TLX2: variants seen among roughly 807,000 people sequenced by gnomAD.
TLX2 encodes the protein T cell leukemia homeobox 2, also known as T-cell leukemia homeobox protein 2.
A neutral mutation model predicts 21.7 loss-of-function variants in TLX2; 15 were observed. The ratio of observed to expected loss-of-function variants is 0.69; its 90% confidence interval spans 0.46 to 1.07. TLX2 has a LOEUF of 1.07. Ranked by LOEUF, TLX2 falls within the 50% of genes least tolerant of loss-of-function variation. The pLI, the probability that TLX2 is intolerant of heterozygous loss-of-function variation, is 0.00. For synonymous variants in TLX2, 213 were observed against 193.1 expected (o/e 1.10, Z -0.85); for missense variants, 384 against 409.1 (o/e 0.94, Z 0.53).
In TLX2 at chr2:74,515,001, A is replaced by G; in HGVS notation, c.195A>G (p.Ser65=). The G allele has an allele frequency of 6.5e-7, 1 of 1,536,186 alleles. No individual in the cohort carries two copies. Among genetic ancestry groups the G allele is most frequent in the Non-Finnish European group, 8.8e-7 (1 of 1,142,708 alleles). The change falls in exon 1 of 3, where the codon TCA becomes TCG. Residue 65 remains serine (S), a synonymous_variant. Transcript: ENST00000233638. This position sits in a 1 kb window ranked among gnomAD's most constrained non-coding sequence, Gnocchi z 6.6. The stretch of plus-strand genomic sequence containing the variant: ...CCTCGGGCTACGGTCCCGCCGGCTC[A>G]CTTGCCCCGCTGCCCGGCAGCTCCG... The part of the protein sequence containing the change: ...HGASGYGPAG[S]LAPLPGSSGV...
Position 74,516,079 on chromosome 2 carries a change from C to T in TLX2, c.745C>T (p.Pro249Ser). The stretch of plus-strand genomic sequence containing the variant: ...ACGGCCGCTGCGGCCGCCGCTGCCC[C>T]CGGACCCTCTCTGCCTGCACAACTC... Reference protein sequence around the residue: ...LPRPLRPPLPPDPLCLHNSSL... With the variant: ...LPRPLRPPLPSDPLCLHNSSL... The change falls in exon 3 of 3, where the codon CCG becomes TCG. Residue 249 changes from proline to serine, a missense_variant. By Grantham distance (74) the Pro-to-Ser change is moderately conservative. Transcript: ENST00000233638. 7 of 1,601,954 alleles carry T rather than the reference C, an allele frequency of 4.4e-6. No individual in the cohort carries two copies. The highest frequency in any genetic ancestry group is 5.9e-6 in the Non-Finnish European group (7 of 1,177,076).
In TLX2 at chr2:74,515,776, C is replaced by A; in HGVS notation, c.544C>A (p.Leu182Met). Residue 182 changes from leucine (L) to methionine (M), a missense_variant, in exon 2 of 3, where the codon CTG (leucine) becomes ATG (methionine). Physicochemically the swap from Leu to Met is conservative, Grantham distance 15. Coordinates refer to ENST00000233638, the MANE Select transcript of TLX2 (RefSeq NM_016170.5). The surrounding 1 kb of genome is among the most constrained non-coding windows in gnomAD (Gnocchi z 6.6). ...LERRFLRQKY[L>M]ASAERAALAK... ...GCGGCGCTTCCTGCGCCAGAAGTAC[C>A]TGGCCTCTGCGGAGAGGGCGGCGCT... 6.2e-7 allele frequency: 1 copy of A among 1,613,262 alleles called. No individual in the cohort carries two copies. Among genetic ancestry groups the A allele is most frequent in the Non-Finnish European group, 8.5e-7 (1 of 1,179,920 alleles).
Position 74,516,054 on chromosome 2 carries a change from A to G in TLX2, c.720A>G (p.Pro240=), listed in dbSNP as rs1674877047. Residue 240 remains proline (P), a synonymous_variant, in exon 3 of 3, where the codon CCA becomes CCG. Transcript: ENST00000233638. ...TGCATCTGCAGCAGGACGCGTTGCC[A>G]CGGCCGCTGCGGCCGCCGCTGCCCC... ...LLLHLQQDAL[P]RPLRPPLPPD... 1 of 1,582,596 alleles carries G rather than the reference A, an allele frequency of 6.3e-7. No homozygotes were observed. Among genetic ancestry groups the G allele is most frequent in the South Asian group, 1.1e-5 (1 of 87,916 alleles).
rs1479255839 is a variant in TLX2 at position 74,516,403 on chromosome 2, A to G, written c.*214A>G. 3 of 1,445,242 alleles carry G rather than the reference A, an allele frequency of 2.1e-6. No homozygotes were observed. In the African/African-American group the frequency reaches 4.4e-5, roughly 21 times the overall value. The allele number at this position is 1,445,242 out of a possible 1,614,324, so 89.5% of individuals were successfully genotyped here. A position where few individuals can be genotyped will look rare whatever the true frequency, so the allele number is the denominator to read the frequency against. ...GGCCTTTCCCGCCATTTTTCACTTC[A>G]CTGCCGTTACGCCCTCGCTGGAACC... On this transcript the variant is annotated 3_prime_UTR_variant, in exon 3 of 3. Coordinates refer to ENST00000233638, the MANE Select transcript of TLX2 (RefSeq NM_016170.5).
Position 74,515,914 on chromosome 2 carries a change from G to A in TLX2, c.638+44G>A. ...GAGGGCGGACTGGGGTTCCCGAGCA[G>A]GGCCTGGTGAGAAGCGACGCGGCGG... On this transcript the variant is annotated intron_variant, in intron 2 of 2. Transcript: ENST00000233638. The surrounding 1 kb of genome is among the most constrained non-coding windows in gnomAD (Gnocchi z 6.6). 1.3e-6 allele frequency: 2 copies of A among 1,560,658 alleles called. No individual in the cohort carries two copies. Among genetic ancestry groups the A allele is most frequent in the Non-Finnish European group, 1.7e-6 (2 of 1,155,608 alleles).
At position 74,514,468 on chromosome 2, in the gene TLX2, A is replaced by C. The variant is rs1438663808; in HGVS notation, c.-339A>C. Reference sequence around the variant, plus strand: ...ATCCGTCAGTCACTGCCCCAGCCGGAGCTGGCCAACCCTCTCCACCCGGGA... The same window carrying C: ...ATCCGTCAGTCACTGCCCCAGCCGGCGCTGGCCAACCCTCTCCACCCGGGA... On this transcript the variant is annotated 5_prime_UTR_variant, in exon 1 of 3. Coordinates refer to ENST00000233638, the MANE Select transcript of TLX2 (RefSeq NM_016170.5). This position sits in a 1 kb window ranked among gnomAD's most constrained non-coding sequence, Gnocchi z 5.0. 2.8e-5 allele frequency: 33 copies of C among 1,184,512 alleles called. No homozygotes were observed. The highest frequency in any genetic ancestry group is 3.8e-4 in the Middle Eastern group (1 of 2,626). The allele number at this position is 1,184,512 out of a possible 1,614,324, so 73.4% of individuals were successfully genotyped here. A position where few individuals can be genotyped will look rare whatever the true frequency, so the allele number is the denominator to read the frequency against.
rs1045167345 is a variant in TLX2, at chr2:74,515,092, G to C, written c.286G>C (p.Gly96Arg). 1 of 1,524,162 alleles carries C rather than the reference G, an allele frequency of 6.6e-7. No homozygotes were observed. The highest frequency in any genetic ancestry group is 2.1e-5 in the Admixed American group (1 of 47,338). The allele number at this position is 1,524,162 out of a possible 1,614,324, so 94.4% of individuals were successfully genotyped here. A position where few individuals can be genotyped will look rare whatever the true frequency, so the allele number is the denominator to read the frequency against. ...HRPLPVPPPA[G>R]GAPAVPGPSG... ...CCCGCTGCCTGTGCCGCCGCCCGCTGGGGGGGCGCCTGCAGTGCCTGGGCC... is the reference window on the plus strand; with the variant it reads ...CCCGCTGCCTGTGCCGCCGCCCGCTCGGGGGGCGCCTGCAGTGCCTGGGCC... Residue 96 changes from glycine to arginine, a missense_variant, in exon 1 of 3, where the codon GGG (glycine) becomes CGG (arginine). Gly to Arg is a moderately radical substitution (Grantham distance 125, BLOSUM62 -2). Coordinates refer to ENST00000233638, the MANE Select transcript of TLX2 (RefSeq NM_016170.5). The surrounding 1 kb of genome is among the most constrained non-coding windows in gnomAD (Gnocchi z 6.6).
Position 74,516,040 on chromosome 2 carries a change from C to G in TLX2, c.706C>G (p.Gln236Glu). 1 of 1,570,760 alleles carries G rather than the reference C, an allele frequency of 6.4e-7. No homozygotes were observed. The highest frequency in any genetic ancestry group is 8.6e-7 in the Non-Finnish European group (1 of 1,165,426). Reference sequence around the variant, plus strand: ...GGGCCGGCTGCTCCTGCATCTGCAGCAGGACGCGTTGCCACGGCCGCTGCG... The same window carrying G: ...GGGCCGGCTGCTCCTGCATCTGCAGGAGGACGCGTTGCCACGGCCGCTGCG... ...RAGRLLLHLQ[Q>E]DALPRPLRPP... Residue 236 changes from glutamine to glutamate, a missense_variant, in exon 3 of 3, where the codon CAG becomes GAG. Physicochemically the swap from Gln to Glu is conservative, Grantham distance 29. Coordinates refer to ENST00000233638, the MANE Select transcript of TLX2 (RefSeq NM_016170.5).
Position 74,515,750 on chromosome 2 carries a change from AGCGGC to A in TLX2, c.521_525del (p.Arg174LeufsTer191). The A allele has an allele frequency of 6.2e-7, 1 of 1,613,442 alleles. No homozygotes were observed. The highest frequency in any genetic ancestry group is 8.5e-7 in the Non-Finnish European group (1 of 1,179,960). ...TCCCGCTCACAGGTGCTGGAGTTGG[AGCGGC>A]GCTTCCTGCGCCAGAAGTACCTGGC... is the stretch of plus-strand genomic sequence containing the variant. On this transcript the variant is annotated frameshift_variant, in exon 2 of 3. Transcript: ENST00000233638. LOFTEE classifies it high-confidence loss of function. This position sits in a 1 kb window ranked among gnomAD's most constrained non-coding sequence, Gnocchi z 6.6.
At position 74,515,736 on chromosome 2, in the gene TLX2, G is replaced by A. The variant is rs750480020; in HGVS notation, c.504G>A (p.Gln168=). The A allele has an allele frequency of 3.1e-6, 5 of 1,613,478 alleles. No homozygotes were observed. Among genetic ancestry groups the A allele is most frequent in the African/African-American group, 2.7e-5 (2 of 74,946 alleles). ...KKPRTSFSRS[Q]VLELERRFLR... is the part of the protein sequence containing the mutation. The stretch of plus-strand genomic sequence containing the variant: ...CGCGCACGTCCTTCTCCCGCTCACA[G>A]GTGCTGGAGTTGGAGCGGCGCTTCC... The change falls in exon 2 of 3, where the codon CAG becomes CAA. Residue 168 remains glutamine, a synonymous_variant. Coordinates refer to ENST00000233638, the MANE Select transcript of TLX2 (RefSeq NM_016170.5). The surrounding 1 kb of genome is among the most constrained non-coding windows in gnomAD (Gnocchi z 6.6).
rs750243307 is a variant in TLX2 at position 74,516,406 on chromosome 2, G to A, written c.*217G>A. On this transcript the variant is annotated 3_prime_UTR_variant, in exon 3 of 3. Transcript: ENST00000233638. Reference sequence around the variant, plus strand: ...CTTTCCCGCCATTTTTCACTTCACTGCCGTTACGCCCTCGCTGGAACCTGA... The same window carrying A: ...CTTTCCCGCCATTTTTCACTTCACTACCGTTACGCCCTCGCTGGAACCTGA... 4.1e-6 allele frequency: 6 copies of A among 1,446,086 alleles called. No individual in the cohort carries two copies. The South Asian group carries it at 8.3e-5, about 20-fold the overall frequency. 89.6% of individuals were successfully genotyped at this position (1,446,086 alleles called of 1,614,324 possible).
Position 74,514,653 on chromosome 2 carries a change from T to A in TLX2, c.-154T>A, listed in dbSNP as rs934031229. ...CGCGGCTGCTCCGGGTGCACAGGGA[T>A]GCTGCTGTTTCGGGGACCCCGGCGC... is the stretch of plus-strand genomic sequence containing the variant. On this transcript the variant is annotated 5_prime_UTR_variant, in exon 1 of 3. The change abolishes an upstream ATG in the 5' untranslated region. Transcript: ENST00000233638. This position sits in a 1 kb window ranked among gnomAD's most constrained non-coding sequence, Gnocchi z 5.0. 24 of 1,475,184 alleles carry A rather than the reference T, an allele frequency of 1.6e-5. No individual in the cohort carries two copies. Among genetic ancestry groups the A allele is most frequent in the Non-Finnish European group, 2.1e-5 (24 of 1,116,994 alleles). The allele number at this position is 1,475,184 out of a possible 1,614,324, so 91.4% of individuals were successfully genotyped here. A position where few individuals can be genotyped will look rare whatever the true frequency, so the allele number is the denominator to read the frequency against.
In TLX2 at chr2:74,516,070, C is replaced by T; in HGVS notation, c.736C>T (p.Pro246Ser). Residue 246 changes from proline to serine, a missense_variant, in exon 3 of 3, where the codon CCG becomes TCG. Coordinates refer to ENST00000233638, the MANE Select transcript of TLX2 (RefSeq NM_016170.5). The stretch of plus-strand genomic sequence containing the variant: ...CGCGTTGCCACGGCCGCTGCGGCCG[C>T]CGCTGCCCCCGGACCCTCTCTGCCT... ...QDALPRPLRP[P>S]LPPDPLCLHN... is the part of the protein sequence containing the mutation. The T allele has an allele frequency of 6.3e-7, 1 of 1,592,768 alleles. No individual in the cohort carries two copies. Among genetic ancestry groups the T allele is most frequent in the Non-Finnish European group, 8.5e-7 (1 of 1,174,076 alleles).
Position 74,515,070 on chromosome 2 carries a change from G to A in TLX2, c.264G>A (p.Pro88=). 2 of 1,523,770 alleles carry A rather than the reference G, an allele frequency of 1.3e-6. No homozygotes were observed. Among genetic ancestry groups the A allele is most frequent in the Non-Finnish European group, 8.8e-7 (1 of 1,137,764 alleles). The allele number at this position is 1,523,770 out of a possible 1,614,324, so 94.4% of individuals were successfully genotyped here. ...TGATCCGCGTCCCTGCGCACCGCCC[G>A]CTGCCTGTGCCGCCGCCCGCTGGGG... ...GGVIRVPAHR[P]LPVPPPAGGA... Residue 88 remains proline, a synonymous_variant, in exon 1 of 3, where the codon CCG becomes CCA. Transcript: ENST00000233638. The surrounding 1 kb of genome is among the most constrained non-coding windows in gnomAD (Gnocchi z 6.6).
rs763797967 is a variant in TLX2 at position 74,516,323 on chromosome 2, A to G, written c.*134A>G. 9 of 1,523,916 alleles carry G rather than the reference A, an allele frequency of 5.9e-6. No individual in the cohort carries two copies. In the East Asian group the frequency reaches 1.5e-4, roughly 25 times the overall value. 94.4% of individuals were successfully genotyped at this position (1,523,916 alleles called of 1,614,324 possible). On this transcript the variant is annotated 3_prime_UTR_variant, in exon 3 of 3. Transcript: ENST00000233638. ...TGAGGCTGTCGTCGAGGGCTCCTCC[A>G]CCACCGGCCGGCTCCCAAGCCAGCG...
rs1462911981 is a variant in TLX2, at chr2:74,514,953, G to A, written c.147G>A (p.Ala49=). ...RGGQGHGENG[A]FSGGYHGASG... ...GCCAGGGTCATGGGGAGAATGGGGCGTTCTCGGGTGGATACCACGGAGCCT... is the reference window on the plus strand; with the variant it reads ...GCCAGGGTCATGGGGAGAATGGGGCATTCTCGGGTGGATACCACGGAGCCT... Residue 49 remains alanine, a synonymous_variant, in exon 1 of 3, where the codon GCG becomes GCA. Coordinates refer to ENST00000233638, the MANE Select transcript of TLX2 (RefSeq NM_016170.5). The surrounding 1 kb of genome is among the most constrained non-coding windows in gnomAD (Gnocchi z 5.0). 6.3e-7 allele frequency: 1 copy of A among 1,589,790 alleles called. No homozygotes were observed. Among genetic ancestry groups the A allele is most frequent in the Admixed American group, 1.7e-5 (1 of 57,326 alleles).
chr2:74,515,884 C>T lies in TLX2; in HGVS notation c.638+14C>T. The T allele has an allele frequency of 6.3e-7, 1 of 1,596,514 alleles. No homozygotes were observed. On this transcript the variant is annotated intron_variant, in intron 2 of 2. Transcript: ENST00000233638. This position sits in a 1 kb window ranked among gnomAD's most constrained non-coding sequence, Gnocchi z 6.6. ...CACCAAGTGGCGGTGAGGCGCGGCG[C>T]GGGCGAGGGCGGACTGGGGTTCCCG...
In TLX2 at chr2:74,514,764, C is replaced by G. The variant is rs1674836238; in HGVS notation, c.-43C>G. On this transcript the variant is annotated 5_prime_UTR_variant, in exon 1 of 3. Coordinates refer to ENST00000233638, the MANE Select transcript of TLX2 (RefSeq NM_016170.5). The surrounding 1 kb of genome is among the most constrained non-coding windows in gnomAD (Gnocchi z 5.0). ...CTTCTGGCGCTGCCTGAGGCATCCTCCCCAACCACCGAACCTCCGGCGGTT... is the reference window on the plus strand; with the variant it reads ...CTTCTGGCGCTGCCTGAGGCATCCTGCCCAACCACCGAACCTCCGGCGGTT... 1.2e-6 allele frequency: 2 copies of G among 1,609,952 alleles called. No homozygotes were observed. Among genetic ancestry groups the G allele is most frequent in the Non-Finnish European group, 1.7e-6 (2 of 1,178,734 alleles).
Position 74,515,999 on chromosome 2 carries a change from C to T in TLX2, c.665C>T (p.Ala222Val), listed in dbSNP as rs765416643. 2.0e-6 allele frequency: 3 copies of T among 1,486,042 alleles called. No homozygotes were observed. The South Asian group carries it at 4.1e-5, about 20-fold the overall frequency. The allele number at this position is 1,486,042 out of a possible 1,614,324, so 92.1% of individuals were successfully genotyped here. ...WRRQTAEERE[A>V]ERHRAGRLLL... The stretch of plus-strand genomic sequence containing the variant: ...CGCCAGACGGCGGAGGAGCGCGAGG[C>T]CGAGCGGCACCGCGCGGGCCGGCTG... Residue 222 changes from alanine (A) to valine (V), a missense_variant, in exon 3 of 3, where the codon GCC (alanine) becomes GTC (valine). Transcript: ENST00000233638. The surrounding 1 kb of genome is among the most constrained non-coding windows in gnomAD (Gnocchi z 6.6).
Sources: allele counts gnomAD v4.1 joint callset, GRCh38; gene constraint gnomAD v4.1.1; non-coding constraint Gnocchi (gnomAD v3.1); transcripts MANE v1.5; gene names NCBI Gene and HGNC (gene_info 2026-07-23, HGNC 2026-07-21).